Variants in TMEM221 observed in about 807,000 individuals in gnomAD.
TMEM221 encodes Putative transmembrane protein ENSP00000342162.
TMEM221 carries 11 observed loss-of-function variants against 10.2 expected under a neutral mutation model. That is an observed-to-expected ratio of 1.08 (90% CI 0.68 to 1.79). The LOEUF is 1.79. TMEM221 is among the 40% of genes most tolerant of loss of function. The pLI is 0.00. For synonymous variants in TMEM221, 172 were observed against 199.8 expected, an observed-to-expected ratio of 0.86 and a Z score of 1.18; for missense variants, 382 against 417.7, an observed-to-expected ratio of 0.91 and a Z score of 0.75.
At chr19:17,439,494 C>G (rs1009881667) in intron 2 of TMEM221, among the ~76,000 whole-genome samples, 10 of 151,700 alleles carry the variant, frequency 6.6e-5, no homozygotes, top group African/African-American at 2.4e-4. Flanking sequence ...TGGAGACCAG[C>G]CTGGCCAACA....
In TMEM221 at chr19:17,436,609, A is replaced by T; in HGVS notation, c.725T>A (p.Leu242Gln). 6.5e-7 allele frequency: 1 copy of T among 1,536,100 alleles called. No individual in the cohort carries two copies. The highest frequency in any genetic ancestry group is 8.7e-7 in the Non-Finnish European group (1 of 1,146,886). The change falls in exon 3 of 3, where the codon CTG (leucine) becomes CAG (glutamine). Residue 242 changes from leucine (L) to glutamine (Q), a missense_variant. Transcript: ENST00000341130. Reference protein sequence around the residue: ...SMATATAPAALEGGWESSLPA... With the variant: ...SMATATAPAAQEGGWESSLPA... ...CAGGCTGCTCTCCCAGCCTCCCTCC[A>T]GGGCTGCAGGTGCTGTGGCAGTGGC...
chr19:17,447,725 C>G (rs912740479), intron 1 of TMEM221, among the ~76,000 whole-genome samples: 1 of 152,134 alleles, frequency 6.6e-6, no homozygotes, highest in African/African-American at 2.4e-5. Context: ...GAGGAAGGAA[C>G]TCAATTTCAG....
intron 2 of TMEM221, among the ~76,000 whole-genome samples, chr19:17,441,751 G>A (rs1035336304): frequency 4.0e-5 from 6 of 151,804 alleles, no homozygotes; most frequent in Admixed American, 6.6e-5. Flanking sequence ...CTGTTTATAC[G>A]CGTTCTCTGG....
chr19:17,439,440 C>A (rs1035092237), intron 2 of TMEM221, among the ~76,000 whole-genome samples: 1 of 152,068 alleles, frequency 6.6e-6, no homozygotes, highest in Non-Finnish European at 1.5e-5. Flanking sequence ...GTAATCCCAG[C>A]ACTTTGGGAG....
chr19:17,444,518 C>CTTTTT (rs71162133), intron 2 of TMEM221, among the ~76,000 whole-genome samples: 7 of 92,156 alleles, frequency 7.6e-5, no homozygotes, highest in African/African-American at 1.3e-4. Flanking sequence ...CATCCACGGG[C>CTTTTT]TTTTTTTTTT....
At chr19:17,440,529 A>G (rs2074928067) in intron 2 of TMEM221, among the ~76,000 whole-genome samples, 1 of 152,064 alleles carries the variant, frequency 6.6e-6, no homozygotes, top group African/African-American at 2.4e-5. Context: ...CCGGCCTAAA[A>G]TGGTAATGTT....
intron 1 of TMEM221, among the ~76,000 whole-genome samples, chr19:17,445,916 TATCCACC>T (rs1390677942): frequency 7.9e-6 from 1 of 125,798 alleles, no homozygotes; most frequent in Non-Finnish European, 1.7e-5. Flanking sequence ...ATCATTTAGA[TATCCACC>T]ATCCACTATC....
intron 2 of TMEM221, among the ~76,000 whole-genome samples, chr19:17,440,516 C>T (rs896975354): frequency 1.1e-4 from 17 of 152,120 alleles, no homozygotes; most frequent in African/African-American, 2.2e-4. Context: ...TGAGCCACCG[C>T]GTCCGGCCTA....
At chr19:17,438,246 G>A (rs1270406644) in intron 2 of TMEM221, among the ~76,000 whole-genome samples, 1 of 151,856 alleles carries the variant, frequency 6.6e-6, no homozygotes, top group Non-Finnish European at 1.5e-5. Flanking sequence ...CCACCACCAC[G>A]CCAGCTAATT....
chr19:17,447,297 C>A (rs1452661173), intron 1 of TMEM221, among the ~76,000 whole-genome samples: 1 of 152,020 alleles, frequency 6.6e-6, no homozygotes, highest in Non-Finnish European at 1.5e-5. Context: ...GCTGGGATTG[C>A]AGGTGTGAAC....
intron 2 of TMEM221, among the ~76,000 whole-genome samples, chr19:17,438,029 C>G (rs1280151799): frequency 6.6e-6 from 1 of 151,398 alleles, no homozygotes; most frequent in African/African-American, 2.4e-5. Context: ...AGGTGATTCT[C>G]CCACCTCAGC....
intron 1 of TMEM221, among the ~76,000 whole-genome samples, chr19:17,447,257 A>T (rs190343937): frequency 2.6e-4 from 39 of 152,056 alleles, no homozygotes; most frequent in African/African-American, 9.2e-4. Context: ...CCTGGCCTCA[A>T]ATGATCCTCC....
intron 1 of TMEM221, among the ~76,000 whole-genome samples, chr19:17,447,051 G>A (rs191022297): frequency 1.0e-3 from 157 of 151,824 alleles, no homozygotes; most frequent in Middle Eastern, 3.4e-3. Context: ...GTGAAACCCC[G>A]CCTCTACTAA....
At position 17,436,522 on chromosome 19, in the gene TMEM221, T is replaced by C. The variant is rs191341046; in HGVS notation, c.812A>G (p.His271Arg). The C allele has an allele frequency of 3.5e-3, 5,361 of 1,535,798 alleles. 16 individuals carry two copies. The highest frequency in any genetic ancestry group is 5.6e-3 in the Admixed American group (287 of 50,976). ...AGLGHWDGVT[H>R]EMRRMLGHRP... The stretch of plus-strand genomic sequence containing the variant: ...GTGGCCCAGCATTCGACGCATCTCG[T>C]GCGTAACCCCGTCCCAGTGCCCCAG... The change falls in exon 3 of 3, where the codon CAC becomes CGC. Residue 271 changes from histidine (H) to arginine (R), a missense_variant. His to Arg is a conservative substitution (Grantham distance 29, BLOSUM62 0). Coordinates refer to ENST00000341130, the MANE Select transcript of TMEM221 (RefSeq NM_001190844.2).
chr19:17,448,157 C>T lies in TMEM221; in HGVS notation c.306G>A (p.Gly102=), dbSNP rs1466249087. ...AGTCCTCCTACCTCCTGGGGCCAGG[C>T]CCCCGCGCCAGCTCGGCGCCCAGGT... is the stretch of plus-strand genomic sequence containing the variant. The part of the protein sequence containing the change: ...CGHLGAELAR[G]PGPRRSDWFL... Residue 102 remains glycine, a synonymous_variant, in exon 1 of 3, where the codon GGG becomes GGA. Transcript: ENST00000341130. This position sits in a 1 kb window ranked among gnomAD's most constrained non-coding sequence, Gnocchi z 4.7. The T allele has an allele frequency of 4.9e-6, 7 of 1,419,798 alleles. No individual in the cohort carries two copies. The highest frequency in any genetic ancestry group is 6.4e-6 in the Non-Finnish European group (7 of 1,089,748). 88.0% of individuals were successfully genotyped at this position (1,419,798 alleles called of 1,614,324 possible). A position where few individuals can be genotyped will look rare whatever the true frequency, so the allele number is the denominator to read the frequency against.
chr19:17,446,296 AAACACTC>A (rs1568399339), intron 1 of TMEM221, among the ~76,000 whole-genome samples: 1 of 152,204 alleles, frequency 6.6e-6, no homozygotes, highest in Non-Finnish European at 1.5e-5. Flanking sequence ...GAGTCCACTC[AAACACTC>A]AACACTCAGG....
At chr19:17,442,726 C>A (rs915853179) in intron 2 of TMEM221, among the ~76,000 whole-genome samples, 1 of 151,826 alleles carries the variant, frequency 6.6e-6, no homozygotes, top group African/African-American at 2.4e-5. Context: ...GTGTGAGCAA[C>A]CACACCCGGC....
Position 17,448,156 on chromosome 19 carries a change from GC to G in TMEM221, c.306del (p.Pro103LeufsTer32), listed in dbSNP as rs1402509177. On this transcript the variant is annotated frameshift_variant, in exon 1 of 3. Transcript: ENST00000341130. LOFTEE classifies it high-confidence loss of function. This position sits in a 1 kb window ranked among gnomAD's most constrained non-coding sequence, Gnocchi z 4.7. ...CAGTCCTCCTACCTCCTGGGGCCAG[GC>G]CCCCGCGCCAGCTCGGCGCCCAGGT... is the stretch of plus-strand genomic sequence containing the variant. ...CGHLGAELAR[G>X]PGPRRSDWFL... 7.1e-7 allele frequency: 1 copy of G among 1,418,370 alleles called. No individual in the cohort carries two copies. 87.9% of individuals were successfully genotyped at this position (1,418,370 alleles called of 1,614,324 possible).
intron 1 of TMEM221, among the ~76,000 whole-genome samples, chr19:17,447,315 C>T (rs183019743): frequency 6.6e-6 from 1 of 152,120 alleles, no homozygotes; most frequent in African/African-American, 2.4e-5. Flanking sequence ...AACCACCATG[C>T]CTTGTCCTTG....
Sources: gnomAD v4.1 joint callset for allele counts (sites outside exome capture counted in the v4.1 genomes callset) on GRCh38, gnomAD v4.1.1 for gene constraint, Gnocchi (gnomAD v3.1) non-coding constraint, MANE v1.5 for transcripts, NCBI Gene and HGNC (gene_info 2026-07-23, HGNC 2026-07-21) for gene names.